Variants in WDR76 observed in about 807,000 individuals in gnomAD.
WDR76 encodes the protein WD repeat-containing protein 76.
A neutral mutation model predicts 70.2 loss-of-function variants in WDR76; 52 were observed. The ratio of observed to expected loss-of-function variants is 0.74; its 90% CI spans 0.59 to 0.93. The LOEUF is 0.93. Ranked by LOEUF, WDR76 falls within the 40% of genes least tolerant of loss-of-function variation. The pLI is 0.00. For missense variants in WDR76, 756 were observed against 760.2 expected (o/e 0.99, Z 0.07); for synonymous variants, 292 against 271.1 (o/e 1.08, Z -0.76).
At chr15:43,836,954 C>T (rs1049348370) in intron 4 of WDR76, among the ~76,000 whole-genome samples, 4 of 150,936 alleles carry the variant, frequency 2.7e-5, no homozygotes, top group Non-Finnish European at 4.4e-5. Context: ...GCAGGAGAAT[C>T]GCTTGAACCC....
chr15:43,834,617 T>C (rs981505398), intron 2 of WDR76, among the ~76,000 whole-genome samples: 15 of 152,150 alleles, frequency 9.9e-5, no homozygotes, highest in South Asian at 2.1e-4. Context: ...TGACCAACTT[T>C]TATATTTTTA....
intron 6 of WDR76, 24 bp from the exon 7 acceptor site, chr15:43,842,604 C>A (rs1200418227): frequency 6.2e-7 from 1 of 1,606,074 alleles, no homozygotes; most frequent in African/African-American, 1.3e-5. Context: ...TAACTTAGTT[C>A]TTTCATCTCT....
chr15:43,866,597 A>C lies in WDR76; in HGVS notation c.*205A>C. 2.7e-6 allele frequency: 1 copy of C among 371,500 alleles called. No homozygotes were observed. Among genetic ancestry groups the C allele is most frequent in the Non-Finnish European group, 4.7e-6 (1 of 213,322 alleles). 23.0% of individuals were successfully genotyped at this position (371,500 alleles called of 1,614,324 possible). ...TTCTGCAGGACGGGGAGGGAATTTG[A>C]GGGGAGGCTGAGGTGCCGTCAGGAC... On this transcript the variant is annotated 3_prime_UTR_variant, in exon 13 of 13. Coordinates refer to ENST00000263795, the MANE Select transcript of WDR76 (RefSeq NM_024908.4).
At chr15:43,853,825 G>C (rs933289628) in intron 9 of WDR76, among the ~76,000 whole-genome samples, 2 of 150,376 alleles carry the variant, frequency 1.3e-5, no homozygotes, top group African/African-American at 4.9e-5. Flanking sequence ...AGAATCGCTT[G>C]AACCCGGGAG....
At chr15:43,857,804 G>C (rs2087946432) in intron 10 of WDR76, among the ~76,000 whole-genome samples, 2 of 139,380 alleles carry the variant, frequency 1.4e-5, no homozygotes, top group African/African-American at 5.4e-5. Flanking sequence ...GGATGACAGA[G>C]CGAGACTCTT....
Position 43,843,957 on chromosome 15 carries a change from C to T in WDR76, c.935C>T (p.Thr312Ile). 1 of 1,612,402 alleles carries T rather than the reference C, an allele frequency of 6.2e-7. No homozygotes were observed. The highest frequency in any genetic ancestry group is 1.3e-5 in the African/African-American group (1 of 74,994). The change falls in exon 8 of 13, where the codon ACC becomes ATC. Residue 312 changes from threonine to isoleucine, a missense_variant. By Grantham distance (89) the Thr-to-Ile change is moderately conservative. Transcript: ENST00000263795. Reference protein sequence around the residue: ...VISEDTVYKVTTGPIFSMALH... With the variant: ...VISEDTVYKVITGPIFSMALH... ...AGTGAAGATACCGTTTACAAAGTTA[C>T]CACAGGCCCAATATTCTCTATGGCT...
intron 4 of WDR76, among the ~76,000 whole-genome samples, chr15:43,837,074 T>C (rs1242233699): frequency 6.6e-6 from 1 of 151,850 alleles, no homozygotes; most frequent in African/African-American, 2.4e-5. Flanking sequence ...AAACAACTAT[T>C]TGCTGAAAGT....
rs1251155009 is a variant in WDR76 at position 43,839,634 on chromosome 15, G to T, written c.638G>T (p.Gly213Val). 2 of 1,612,110 alleles carry T rather than the reference G, an allele frequency of 1.2e-6. No homozygotes were observed. Among genetic ancestry groups the T allele is most frequent in the Admixed American group, 3.3e-5 (2 of 59,830 alleles). The change falls in exon 5 of 13, where the codon GGA becomes GTA. Residue 213 changes from glycine to valine, a missense_variant. Gly to Val is a moderately radical substitution (Grantham distance 109, BLOSUM62 -3). Coordinates refer to ENST00000263795, the MANE Select transcript of WDR76 (RefSeq NM_024908.4). ...AAGCCTAAGAGAGAAAATGGGATTGGATGTAGAAGGTCAATGCGATTACTA... is the reference window on the plus strand; with the variant it reads ...AAGCCTAAGAGAGAAAATGGGATTGTATGTAGAAGGTCAATGCGATTACTA... ...RKKPKRENGI[G>V]CRRSMRLLKV...
intron 8 of WDR76, among the ~76,000 whole-genome samples, chr15:43,846,886 G>A (rs2087795590): frequency 6.6e-6 from 1 of 151,946 alleles, no homozygotes; most frequent in African/African-American, 2.4e-5. Flanking sequence ...GCCGGGCATG[G>A]TGGCACATGC....
At chr15:43,852,374 C>T (rs944390550) in intron 9 of WDR76, among the ~76,000 whole-genome samples, 2 of 149,580 alleles carry the variant, frequency 1.3e-5, no homozygotes, top group African/African-American at 2.5e-5. Flanking sequence ...TTGTTGTCGT[C>T]GTTGTTGTTG....
intron 12 of WDR76, among the ~76,000 whole-genome samples, chr15:43,862,508 T>G (rs1312830096): frequency 6.8e-6 from 1 of 146,472 alleles, no homozygotes; most frequent in African/African-American, 2.7e-5. Context: ...TTTTGTTTTT[T>G]GTTTTTTTGT....
rs569663049 is a variant in WDR76 at position 43,830,800 on chromosome 15, A to C, written c.462+2434A>C. On this transcript the variant is annotated intron_variant, in intron 2 of 12. Transcript: ENST00000263795. The stretch of plus-strand genomic sequence containing the variant: ...GGTGGTTCATGCCTGCACTCCCGGC[A>C]CTTTGGGAGGCCACGGTGGGTGGAT... Among the ~76,000 whole-genome samples the C allele has an allele frequency of 5.9e-5, 9 of 152,182 alleles. No individual in the cohort carries two copies. In the East Asian group the frequency reaches 1.7e-3, roughly 30 times the overall value.
chr15:43,833,667 C>G (rs1396399216), intron 2 of WDR76, among the ~76,000 whole-genome samples: 2 of 148,886 alleles, frequency 1.3e-5, no homozygotes, highest in Non-Finnish European at 3.0e-5. Flanking sequence ...GAGTCTTGCT[C>G]TGTGGCCCAG....
intron 2 of WDR76, among the ~76,000 whole-genome samples, chr15:43,831,563 C>T (rs534600969): frequency 2.6e-5 from 4 of 152,124 alleles, no homozygotes; most frequent in South Asian, 2.1e-4. Flanking sequence ...CTCAGCGTCC[C>T]GAGTAGCTGG....
intron 11 of WDR76, 83 bp from the exon 12 acceptor site, chr15:43,861,250 T>C (rs972827987): frequency 5.2e-6 from 6 of 1,163,556 alleles, no homozygotes; most frequent in Admixed American, 3.4e-5. Flanking sequence ...CATGAATTAA[T>C]GAGAAGCTTG....
At position 43,830,967 on chromosome 15, in the gene WDR76, G is replaced by C. The variant is rs1018588561; in HGVS notation, c.462+2601G>C. ...GGAGGCTGAGTCAGGATAATTGCTTGAACTGAGGAGGTAGAGGTTGCAGTG... is the reference window on the plus strand; with the variant it reads ...GGAGGCTGAGTCAGGATAATTGCTTCAACTGAGGAGGTAGAGGTTGCAGTG... On this transcript the variant is annotated intron_variant, in intron 2 of 12. Transcript: ENST00000263795. 5.9e-5 allele frequency among the ~76,000 whole-genome samples: 9 copies of C among 152,142 alleles called. No individual in the cohort carries two copies. In the East Asian group the frequency reaches 1.6e-3, roughly 26 times the overall value.
At chr15:43,849,331 G>C (rs576921450) in intron 8 of WDR76, among the ~76,000 whole-genome samples, 1 of 152,068 alleles carries the variant, frequency 6.6e-6, no homozygotes, top group African/African-American at 2.4e-5. Flanking sequence ...TAATGTCTCT[G>C]TAAATACTTG....
intron 12 of WDR76, chr15:43,864,060 T>C (rs2088039148): frequency 6.6e-6 from 1 of 152,242 alleles, no homozygotes; most frequent in Non-Finnish European, 1.5e-5. Context: ...TGTCTTTCTG[T>C]ACCTGGCTTG....
intron 8 of WDR76, among the ~76,000 whole-genome samples, chr15:43,846,971 G>A (rs1029658022): frequency 3.4e-5 from 5 of 145,188 alleles, no homozygotes; most frequent in African/African-American, 1.0e-4. Flanking sequence ...GCAGTGAGCC[G>A]AGATGGCGCC....
Sources: allele counts gnomAD v4.1 joint callset (sites outside exome capture counted in the v4.1 genomes callset), GRCh38; gene constraint gnomAD v4.1.1; transcripts MANE v1.5; gene names NCBI Gene and HGNC (gene_info 2026-07-23, HGNC 2026-07-21).